The following KAT2B variants were observed in gnomAD, a reference collection of about 807,000 sequenced individuals.
KAT2B encodes lysine acetyltransferase 2B, also known as histone acetyltransferase KAT2B.
KAT2B carries 36 observed loss-of-function variants against 105.9 expected under a neutral mutation model. The observed-to-expected ratio is 0.34, with a 90% CI of 0.26 to 0.45. The LOEUF (loss-of-function observed/expected upper bound fraction) is 0.45. Ranked by LOEUF, KAT2B falls within the 20% of genes least tolerant of loss-of-function variation. KAT2B has a pLI of 1.00. For synonymous variants in KAT2B, 397 were observed against 377.9 expected, an observed-to-expected ratio of 1.05 and a Z score of -0.59; for missense variants, 820 against 1,021.6, an observed-to-expected ratio of 0.80 and a Z score of 2.69.
At chr3:20,150,268 T>A (rs1259955288) in intron 17 of KAT2B, among the ~76,000 whole-genome samples, 2 of 152,242 alleles carry the variant, frequency 1.3e-5, no homozygotes, top group African/African-American at 4.8e-5. Context: ...AAATATTTAG[T>A]CTTGTCCCCA....
intron 4 of KAT2B, 139 bp downstream of exon 4, chr3:20,100,093 G>C: frequency 1.7e-6 from 1 of 587,534 alleles, no homozygotes; most frequent in Non-Finnish European, 3.1e-6. Flanking sequence ...AAATTGTCCT[G>C]GAGGCTTTGG....
At chr3:20,084,102 G>A (rs1207581094) in intron 2 of KAT2B, among the ~76,000 whole-genome samples, 3 of 152,162 alleles carry the variant, frequency 2.0e-5, no homozygotes, top group African/African-American at 4.8e-5. Context: ...TTGGAGAGGG[G>A]CTACATTGGA....
chr3:20,044,562 A>G (rs1217922521), intron 1 of KAT2B, among the ~76,000 whole-genome samples: 4 of 151,918 alleles, frequency 2.6e-5, no homozygotes, highest in Non-Finnish European at 5.9e-5. Context: ...TCGAGGGTTC[A>G]GGCACATGGT....
At chr3:20,065,016 G>C (rs1698200029) in intron 1 of KAT2B, among the ~76,000 whole-genome samples, 1 of 152,104 alleles carries the variant, frequency 6.6e-6, no homozygotes, top group African/African-American at 2.4e-5. Context: ...TCTGTAATCT[G>C]GGTTGTGACT....
intron 2 of KAT2B, among the ~76,000 whole-genome samples, chr3:20,086,754 G>C (rs1373435115): frequency 1.3e-5 from 2 of 151,652 alleles, no homozygotes; most frequent in African/African-American, 4.9e-5. Flanking sequence ...CCTTTAAACT[G>C]TCTTCCTCTA....
rs869172127 is a variant in KAT2B, at chr3:20,106,979, GTATATATATATATATA to G, written c.852-4595_852-4580del. Among the ~76,000 whole-genome samples, 164 of 33,498 alleles carry G rather than the reference GTATATATATATATATA, an allele frequency of 4.9e-3. 2 individuals are homozygous for G. The highest frequency in any genetic ancestry group is 0.017 in the African/African-American group (158 of 9,410). The allele number at this position is 33,498 out of a possible 152,430, so 22.0% of individuals were successfully genotyped here. The stretch of plus-strand genomic sequence containing the variant: ...TTTATGTGTATATATATATATATAT[GTATATATATATATATA>G]TATATATATATATATATATATTTTT... On this transcript the variant is annotated intron_variant, in intron 5 of 17. Coordinates refer to ENST00000263754, the MANE Select transcript of KAT2B (RefSeq NM_003884.5).
intron 5 of KAT2B, among the ~76,000 whole-genome samples, chr3:20,105,317 A>G (rs979201778): frequency 6.6e-6 from 1 of 152,256 alleles, no homozygotes; most frequent in Non-Finnish European, 1.5e-5. Context: ...ATTTAATTCC[A>G]TGAAGAAATA....
intron 2 of KAT2B, among the ~76,000 whole-genome samples, chr3:20,085,272 AC>A: frequency 6.6e-6 from 1 of 152,302 alleles, no homozygotes; most frequent in East Asian, 1.9e-4. Context: ...AAAAATGTTG[AC>A]CTAATTGTCT....
At chr3:20,062,174 A>T (rs1254557092) in intron 1 of KAT2B, among the ~76,000 whole-genome samples, 1 of 64,566 alleles carries the variant, frequency 1.5e-5, no homozygotes, top group South Asian at 4.5e-4. Flanking sequence ...TAATATATAT[A>T]ATATATAATA....
intron 1 of KAT2B, among the ~76,000 whole-genome samples, chr3:20,066,332 C>T (rs970747573): frequency 5.3e-5 from 8 of 152,130 alleles, no homozygotes; most frequent in Non-Finnish European, 8.8e-5. Flanking sequence ...ATGTCCTTAA[C>T]TGATCACATC....
intron 1 of KAT2B, among the ~76,000 whole-genome samples, chr3:20,069,218 G>A (rs1698276201): frequency 6.6e-6 from 1 of 152,196 alleles, no homozygotes; most frequent in Non-Finnish European, 1.5e-5. Context: ...GGCTATCTCA[G>A]CAAAGACTAG....
chr3:20,050,981 G>A (rs562987107), intron 1 of KAT2B, among the ~76,000 whole-genome samples: 41 of 152,064 alleles, frequency 2.7e-4, no homozygotes, highest in Non-Finnish European at 5.3e-4. Flanking sequence ...TGGGCAGATC[G>A]CTTGAGGCCA....
At position 20,146,582 on chromosome 3, in the gene KAT2B, C is replaced by T. The variant is rs2686314; in HGVS notation, c.2119+152C>T. ...TCTTTTAAGAAGGCAGCAAATGTTACCCTTTTATGTCTTCCCTACCACCCA... is the reference window on the plus strand; with the variant it reads ...TCTTTTAAGAAGGCAGCAAATGTTATCCTTTTATGTCTTCCCTACCACCCA... On this transcript the variant is annotated intron_variant, in intron 14 of 17. Transcript: ENST00000263754. 0.85 allele frequency: 479,602 copies of T among 561,142 alleles called. 205,967 individuals carry two copies. Among genetic ancestry groups the T allele is most frequent in the East Asian group, 0.98 (33,493 of 34,214 alleles). 34.8% of individuals were successfully genotyped at this position (561,142 alleles called of 1,614,324 possible).
intron 2 of KAT2B, among the ~76,000 whole-genome samples, chr3:20,073,618 A>G (rs1337026506): frequency 6.6e-6 from 1 of 152,256 alleles, no homozygotes; most frequent in Non-Finnish European, 1.5e-5. Context: ...CTTAATTGGT[A>G]TCTCAAACAA....
chr3:20,092,410 A>G (rs1319478537), intron 2 of KAT2B, among the ~76,000 whole-genome samples: 1 of 151,554 alleles, frequency 6.6e-6, no homozygotes, highest in African/African-American at 2.4e-5. Context: ...TTGCATTTTC[A>G]GTAGAGACGA....
At chr3:20,087,616 G>A (rs1380677879) in intron 2 of KAT2B, among the ~76,000 whole-genome samples, 2 of 152,118 alleles carry the variant, frequency 1.3e-5, no homozygotes, top group African/African-American at 2.4e-5. Flanking sequence ...CAGAACTTCT[G>A]TGTAAATGAA....
At chr3:20,084,621 CA>C (rs1170485885) in intron 2 of KAT2B, among the ~76,000 whole-genome samples, 3 of 152,208 alleles carry the variant, frequency 2.0e-5, no homozygotes, top group Admixed American at 2.0e-4. Context: ...CACAAAACCA[CA>C]AGCACATTTC....
At chr3:20,070,064 A>T in intron 1 of KAT2B, among the ~76,000 whole-genome samples, 1 of 152,060 alleles carries the variant, frequency 6.6e-6, no homozygotes, top group East Asian at 1.9e-4. Flanking sequence ...GGCCTTCCTG[A>T]TGCCTAGACA....
chr3:20,143,395 A>C (rs2125194336), intron 13 of KAT2B, among the ~76,000 whole-genome samples: 1 of 152,292 alleles, frequency 6.6e-6, no homozygotes, highest in African/African-American at 2.4e-5. Flanking sequence ...GATGTTGGCA[A>C]AGCTGTGGAG....
Sources: gnomAD v4.1 joint callset for allele counts (sites outside exome capture counted in the v4.1 genomes callset) on GRCh38, gnomAD v4.1.1 for gene constraint, MANE v1.5 for transcripts, NCBI Gene and HGNC (gene_info 2026-07-23, HGNC 2026-07-21) for gene names.